CLASRP: variants seen among roughly 807,000 people sequenced by gnomAD.
CLASRP encodes CLK4 associating serine/arginine rich protein, also known as CLK4-associating serine/arginine rich protein.
In CLASRP, 52 loss-of-function variants were observed where a neutral mutation model predicts 99.9. The observed-to-expected ratio is 0.52, with a 90% confidence interval of 0.42 to 0.66. The LOEUF is 0.66. CLASRP is among the 30% of genes least tolerant of loss of function. The pLI is 0.00. For missense variants in CLASRP, 848 were observed against 999.2 expected (o/e 0.85, Z 2.04); for synonymous variants, 379 against 373.0 (o/e 1.02, Z -0.18).
chr19:45,054,615 C>T (rs989101380), intron 5 of CLASRP, among the ~76,000 whole-genome samples: 3 of 152,220 alleles, frequency 2.0e-5, no homozygotes, highest in African/African-American at 7.2e-5. Context: ...GGATTCTCCA[C>T]GTGTCCTTAA....
At chr19:45,059,593 C>T (rs1311250215) in intron 8 of CLASRP, among the ~76,000 whole-genome samples, 1 of 152,214 alleles carries the variant, frequency 6.6e-6, no homozygotes, top group East Asian at 1.9e-4. Flanking sequence ...TTAGTGCGAC[C>T]TGGGGCGAAT....
intron 8 of CLASRP, 120 bp downstream of exon 8, chr19:45,059,484 C>T (rs1193198915): frequency 2.5e-6 from 2 of 812,850 alleles, no homozygotes; most frequent in African/African-American, 3.4e-5. Context: ...GCCCTGGGCC[C>T]AGGACTTTAC....
intron 2 of CLASRP, among the ~76,000 whole-genome samples, chr19:45,043,752 C>T (rs959645924): frequency 2.0e-5 from 3 of 152,054 alleles, no homozygotes; most frequent in Admixed American, 6.6e-5. Context: ...GAAGGAACCA[C>T]GGGGCTAAAG....
chr19:45,057,974 G>A, intron 7 of CLASRP, 76 bp downstream of exon 7: 1 of 1,580,814 alleles, frequency 6.3e-7, no homozygotes, highest in Non-Finnish European at 8.6e-7. Flanking sequence ...ACCCTCTGTG[G>A]GGCACCCCGT....
chr19:45,068,105 C>A, intron 15 of CLASRP, 51 bp downstream of exon 15: 1 of 1,583,056 alleles, frequency 6.3e-7, no homozygotes, highest in Non-Finnish European at 8.7e-7. Flanking sequence ...GCAGCAGTGC[C>A]CAAGAGCTGG....
chr19:45,056,427 C>T (rs752919319), intron 5 of CLASRP, 23 bp from the exon 6 acceptor site: 1 of 1,609,436 alleles, frequency 6.2e-7, no homozygotes, highest in Non-Finnish European at 8.5e-7. Context: ...CCACTCTGAC[C>T]TGGGGTCTCT....
chr19:45,068,311 T>TGG, intron 15 of CLASRP, 109 bp from the exon 16 acceptor site: 1 of 543,616 alleles, frequency 1.8e-6, no homozygotes, highest in Non-Finnish European at 3.3e-6. Flanking sequence ...CACGTCGTTC[T>TGG]CCCCCCCCCA....
At chr19:45,047,225 A>G (rs1214897048) in intron 2 of CLASRP, among the ~76,000 whole-genome samples, 2 of 152,126 alleles carry the variant, frequency 1.3e-5, no homozygotes, top group Non-Finnish European at 2.9e-5. Flanking sequence ...CTATGCTACA[A>G]TATCGATGAG....
At chr19:45,043,273 G>C (rs902817905) in intron 2 of CLASRP, among the ~76,000 whole-genome samples, 2 of 150,456 alleles carry the variant, frequency 1.3e-5, no homozygotes, top group African/African-American at 4.9e-5. Context: ...TTAGCTGGGC[G>C]TGGTGGTGGG....
At chr19:45,052,023 G>C (rs1972033376) in intron 2 of CLASRP, 48 bp from the exon 3 acceptor site, 2 of 1,485,084 alleles carry the variant, frequency 1.3e-6, no homozygotes, top group Non-Finnish European at 1.9e-6. Context: ...AGGGGGTGGG[G>C]TTTGGAGCTC....
intron 16 of CLASRP, 80 bp downstream of exon 16, chr19:45,068,560 T>C (rs1390070637): frequency 2.7e-6 from 3 of 1,101,244 alleles, no homozygotes; most frequent in African/African-American, 3.1e-5. Flanking sequence ...CAGCACCACT[T>C]TGGGAGGCCT....
intron 2 of CLASRP, among the ~76,000 whole-genome samples, chr19:45,051,621 G>A (rs73560271): frequency 0.07 from 10,579 of 152,078 alleles, 1,003 homozygotes; most frequent in African/African-American, 0.21. Flanking sequence ...CCTTATTTCT[G>A]AAGGTTAGCA....
At position 45,064,142 on chromosome 19, in the gene CLASRP, G is replaced by C. The variant is rs754728207; in HGVS notation, c.1036G>C (p.Ala346Pro). 6.3e-5 allele frequency: 101 copies of C among 1,611,144 alleles called. No individual in the cohort carries two copies. Among genetic ancestry groups the C allele is most frequent in the Non-Finnish European group, 8.3e-5 (98 of 1,179,484 alleles). Reference protein sequence around the residue: ...DEEAAAAAAAAAASGVTTGKP... With the variant: ...DEEAAAAAAAPAASGVTTGKP... ...GGAGGCAGCCGCAGCCGCTGCTGCC[G>C]CAGCAGCATCAGGAGTCACCACAGG... The change falls in exon 12 of 21, where the codon GCA (alanine) becomes CCA (proline). Residue 346 changes from alanine (A) to proline (P), a missense_variant. Ala to Pro is a conservative substitution (Grantham distance 27). Transcript: ENST00000221455.
intron 3 of CLASRP, 26 bp from the exon 4 acceptor site, chr19:45,052,765 G>T (rs754692552): frequency 6.4e-7 from 1 of 1,566,000 alleles, no homozygotes; most frequent in Non-Finnish European, 8.8e-7. Flanking sequence ...TGAGGTTCTT[G>T]CTTTCTTGCT....
intron 11 of CLASRP, among the ~76,000 whole-genome samples, chr19:45,063,434 A>ATTTTTTTT (rs1600110419): frequency 1.8e-5 from 1 of 54,958 alleles, no homozygotes; most frequent in African/African-American, 6.4e-5. Context: ...AGATCTGCTT[A>ATTTTTTTT]TCTTTTTTTT....
intron 5 of CLASRP, among the ~76,000 whole-genome samples, chr19:45,054,196 T>C (rs1053444439): frequency 6.6e-6 from 1 of 152,208 alleles, no homozygotes; most frequent in Non-Finnish European, 1.5e-5. Flanking sequence ...TTTGTCTGTA[T>C]TATCATTACA....
At position 45,060,358 on chromosome 19, in the gene CLASRP, C is replaced by T. The variant is rs897467111; in HGVS notation, c.711-31C>T. The T allele has an allele frequency of 6.2e-7, 1 of 1,604,538 alleles. No individual in the cohort carries two copies. ...CTCCTTACCCTGTGGCCTGCCCCAT[C>T]CTCCACCCTAATTCTCACCCACCTC... is the stretch of plus-strand genomic sequence containing the variant. On this transcript the variant is annotated intron_variant, in intron 8 of 20. Transcript: ENST00000221455. This position sits in a 1 kb window ranked among gnomAD's most constrained non-coding sequence, Gnocchi z 4.6.
chr19:45,042,511 T>TTATATATATATATATATATATATATATA (rs527367247), intron 2 of CLASRP, among the ~76,000 whole-genome samples: 1 of 148,516 alleles, frequency 6.7e-6, no homozygotes, highest in African/African-American at 2.5e-5. Context: ...AAAAAAAAAT[T>TTATATATATATATATATATATATATATA]TATATATATA....
At position 45,068,129 on chromosome 19, in the gene CLASRP, G is replaced by A. The variant is rs980953159; in HGVS notation, c.1707+75G>A. On this transcript the variant is annotated intron_variant, in intron 15 of 20. Coordinates refer to ENST00000221455, the MANE Select transcript of CLASRP (RefSeq NM_007056.3). ...CCCAAGAGCTGGGCCCGGTGGGCCT[G>A]CAGGGGGGCCCGGGTGGGCTGGGAG... The A allele has an allele frequency of 5.6e-6, 8 of 1,429,260 alleles. No homozygotes were observed. In the East Asian group the frequency reaches 1.6e-4, roughly 29 times the overall value. The allele number at this position is 1,429,260 out of a possible 1,614,324, so 88.5% of individuals were successfully genotyped here.
Sources: allele counts gnomAD v4.1 joint callset (sites outside exome capture counted in the v4.1 genomes callset), GRCh38; gene constraint gnomAD v4.1.1; non-coding constraint Gnocchi (gnomAD v3.1); transcripts MANE v1.5; gene names NCBI Gene and HGNC (gene_info 2026-07-23, HGNC 2026-07-21).